MPPED1: variants seen among roughly 807,000 people sequenced by gnomAD.
MPPED1 encodes metallophosphoesterase domain containing 1.
MPPED1 carries 16 observed loss-of-function variants against 36.2 expected under a neutral mutation model. That is an observed-to-expected ratio of 0.44 (90% CI 0.30 to 0.67). MPPED1 has a LOEUF of 0.67. MPPED1 is among the 30% of genes least tolerant of loss of function. The pLI, the probability that MPPED1 is intolerant of heterozygous loss-of-function variation, is 0.10. For missense variants in MPPED1, 307 were observed against 453.4 expected, an observed-to-expected ratio of 0.68 and a Z score of 2.93; for synonymous variants, 199 against 191.3, an observed-to-expected ratio of 1.04 and a Z score of -0.33.
chr22:43,453,324 A>AC (rs200373624), intron 3 of MPPED1, among the ~76,000 whole-genome samples: 2,162 of 128,302 alleles, frequency 0.017, 54 homozygotes, highest in African/African-American at 0.052. Context: ...TCCCCGCACC[A>AC]CCCCCCCTGC....
At chr22:43,491,597 G>A (rs1226288901) in intron 4 of MPPED1, among the ~76,000 whole-genome samples, 1 of 151,602 alleles carries the variant, frequency 6.6e-6, no homozygotes. Context: ...TGGTGGTGGT[G>A]ATGGTGGTGT....
At chr22:43,461,493 G>A (rs1569077438) in intron 3 of MPPED1, among the ~76,000 whole-genome samples, 1 of 152,210 alleles carries the variant, frequency 6.6e-6, no homozygotes, top group African/African-American at 2.4e-5. Flanking sequence ...ACTTTTGCCA[G>A]TGTTGTTGTT....
chr22:43,469,402 T>A (rs1029217822), intron 3 of MPPED1, among the ~76,000 whole-genome samples: 1 of 131,746 alleles, frequency 7.6e-6, no homozygotes, highest in Non-Finnish European at 1.6e-5. Flanking sequence ...AGATGGAGGG[T>A]TGTGATGAAA....
At position 43,472,968 on chromosome 22, in the gene MPPED1, C is replaced by T. The variant is rs540980700; in HGVS notation, c.407-1768C>T. On this transcript the variant is annotated intron_variant, in intron 3 of 6. Coordinates refer to ENST00000443721, the MANE Select transcript of MPPED1 (RefSeq NM_001044370.2). Reference sequence around the variant, plus strand: ...GGAGCTCACGTAAGGGCTGGGGAGGCGAGCTCTTCCTAGAGTGCTTCCTGA... The same window carrying T: ...GGAGCTCACGTAAGGGCTGGGGAGGTGAGCTCTTCCTAGAGTGCTTCCTGA... 1.6e-4 allele frequency among the ~76,000 whole-genome samples: 25 copies of T among 152,334 alleles called. No individual in the cohort carries two copies. In the South Asian group the frequency reaches 4.3e-3, roughly 27 times the overall value.
chr22:43,449,169 C>G (rs1253186474), intron 3 of MPPED1, among the ~76,000 whole-genome samples: 1 of 152,156 alleles, frequency 6.6e-6, no homozygotes, highest in African/African-American at 2.4e-5. Flanking sequence ...GCCTCGTATC[C>G]AAGTCACACG....
At chr22:43,460,081 C>A (rs1286538082) in intron 3 of MPPED1, among the ~76,000 whole-genome samples, 1 of 152,036 alleles carries the variant, frequency 6.6e-6, no homozygotes, top group Non-Finnish European at 1.5e-5. Flanking sequence ...GTGGCATGTG[C>A]CTGTAGTCCC....
intron 3 of MPPED1, among the ~76,000 whole-genome samples, chr22:43,471,189 C>A (rs1052929802): frequency 6.6e-6 from 1 of 152,260 alleles, no homozygotes; most frequent in Non-Finnish European, 1.5e-5. Flanking sequence ...TTCAGTAACA[C>A]CCCCAGTCAA....
intron 3 of MPPED1, among the ~76,000 whole-genome samples, chr22:43,440,367 G>T (rs1006043824): frequency 1.3e-5 from 2 of 152,180 alleles, no homozygotes; most frequent in African/African-American, 4.8e-5. Flanking sequence ...AGGTGCTCTG[G>T]ACCTGATGAA....
At chr22:43,447,890 T>G (rs9612073) in intron 3 of MPPED1, among the ~76,000 whole-genome samples, 1 of 131,724 alleles carries the variant, frequency 7.6e-6, no homozygotes, top group Non-Finnish European at 1.6e-5. Context: ...TATATTTTTT[T>G]TTTTTTTAGA....
chr22:43,475,842 GATA>G (rs1395985303), intron 4 of MPPED1, among the ~76,000 whole-genome samples: 5 of 150,378 alleles, frequency 3.3e-5, no homozygotes, highest in South Asian at 4.3e-4. Context: ...TAGTGATGGT[GATA>G]ATGATGGTGA....
At chr22:43,500,349 ATGG>A (rs1932678994) in intron 5 of MPPED1, among the ~76,000 whole-genome samples, 1 of 29,500 alleles carries the variant, frequency 3.4e-5, no homozygotes, top group African/African-American at 9.2e-5. Context: ...GGTGGTGGTG[ATGG>A]TGATGGAGGT....
At chr22:43,441,651 C>T (rs1930152464) in intron 3 of MPPED1, among the ~76,000 whole-genome samples, 1 of 152,222 alleles carries the variant, frequency 6.6e-6, no homozygotes, top group Admixed American at 6.5e-5. Context: ...TAAGTTTGCA[C>T]TGGCGCCTGA....
At chr22:43,483,346 G>T (rs1027769730) in intron 4 of MPPED1, among the ~76,000 whole-genome samples, 1 of 152,234 alleles carries the variant, frequency 6.6e-6, no homozygotes, top group Non-Finnish European at 1.5e-5. Flanking sequence ...TGTCACTGCA[G>T]ATGGGTGACA....
At position 43,497,080 on chromosome 22, in the gene MPPED1, G is replaced by A. The variant is rs1034718066; in HGVS notation, c.633-1155G>A. Among the ~76,000 whole-genome samples the A allele has an allele frequency of 3.3e-5, 5 of 149,770 alleles. 1 individual carries two copies. Among genetic ancestry groups the A allele is most frequent in the African/African-American group, 1.2e-4 (5 of 40,480 alleles). On this transcript the variant is annotated intron_variant, in intron 4 of 6. Coordinates refer to ENST00000443721, the MANE Select transcript of MPPED1 (RefSeq NM_001044370.2). ...AGATGGTGGTGGTGGAGGTGGTGGT[G>A]GAGGTAGTGGTGGCGGAGATGGTGG...
At chr22:43,451,120 C>T (rs976551476) in intron 3 of MPPED1, among the ~76,000 whole-genome samples, 2 of 151,676 alleles carry the variant, frequency 1.3e-5, no homozygotes, top group Non-Finnish European at 2.9e-5. Flanking sequence ...GATCCTCCTG[C>T]GTCAGCCTCC....
chr22:43,484,936 C>T (rs896839478), intron 4 of MPPED1, among the ~76,000 whole-genome samples: 1 of 152,230 alleles, frequency 6.6e-6, no homozygotes, highest in South Asian at 2.1e-4. Context: ...GCCCAACGTG[C>T]AGCATCAGTT....
At chr22:43,461,677 G>A (rs1930962334) in intron 3 of MPPED1, among the ~76,000 whole-genome samples, 1 of 152,122 alleles carries the variant, frequency 6.6e-6, no homozygotes, top group Non-Finnish European at 1.5e-5. Flanking sequence ...AGACTCAAAT[G>A]TATGACAGCA....
In MPPED1 at chr22:43,506,976, C is replaced by T. The variant is rs1932826164; in HGVS notation, c.*1360C>T. 2 of 152,154 alleles carry T rather than the reference C, an allele frequency of 1.3e-5. No individual in the cohort carries two copies. The highest frequency in any genetic ancestry group is 4.1e-4 in the South Asian group (2 of 4,836). 9.4% of individuals were successfully genotyped at this position (152,154 alleles called of 1,614,324 possible). A position where few individuals can be genotyped will look rare whatever the true frequency, so the allele number is the denominator to read the frequency against. The stretch of plus-strand genomic sequence containing the variant: ...GTACATCTGAGAGAAGGGTGTCACT[C>T]CCTCACCCAGGTCCCAGCCCTGGGA... On this transcript the variant is annotated 3_prime_UTR_variant, in exon 7 of 7. Coordinates refer to ENST00000443721, the MANE Select transcript of MPPED1 (RefSeq NM_001044370.2).
At chr22:43,481,141 C>T (rs1292976229) in intron 4 of MPPED1, among the ~76,000 whole-genome samples, 1 of 152,128 alleles carries the variant, frequency 6.6e-6, no homozygotes, top group Non-Finnish European at 1.5e-5. Context: ...ATATTGTCTT[C>T]CAGAACTTTT....
Sources: gnomAD v4.1 joint callset for allele counts (sites outside exome capture counted in the v4.1 genomes callset) on GRCh38, gnomAD v4.1.1 for gene constraint, MANE v1.5 for transcripts, NCBI Gene and HGNC (gene_info 2026-07-23, HGNC 2026-07-21) for gene names.